The following AGBL4 variants were observed in gnomAD, a reference collection of about 807,000 sequenced individuals.
AGBL4 encodes AGBL carboxypeptidase 4, also known as cytosolic carboxypeptidase 6.
Under a neutral mutation model 66.4 loss-of-function variants are expected in AGBL4, and 58 were observed. The ratio of observed to expected loss-of-function variants is 0.87; its 90% CI spans 0.71 to 1.09. The LOEUF (loss-of-function observed/expected upper bound fraction) is 1.09. AGBL4 is among the 50% of genes least tolerant of loss of function. The probability of loss-of-function intolerance (pLI) is 0.00; values close to 1 mark genes in which losing one functional copy is unlikely to be tolerated. For missense variants in AGBL4, 579 were observed against 631.0 expected (o/e 0.92, Z 0.88); for synonymous variants, 234 against 222.9 (o/e 1.05, Z -0.44).
chr1:49,257,120 A>T (rs981475578), intron 3 of AGBL4, among the ~76,000 whole-genome samples: 3 of 152,144 alleles, frequency 2.0e-5, no homozygotes, highest in Non-Finnish European at 4.4e-5. Context: ...AAAAAAAAAT[A>T]CTATGCAAAA....
At chr1:49,237,512 TTATATATA>T (rs71056690) in intron 4 of AGBL4, among the ~76,000 whole-genome samples, 33 of 2,236 alleles carry the variant, frequency 0.015, no homozygotes, top group Non-Finnish European at 0.016. Context: ...CAATATTACA[TTATATATA>T]TATATATATA....
chr1:48,907,894 G>T (rs992429447), intron 5 of AGBL4, among the ~76,000 whole-genome samples: 1 of 152,106 alleles, frequency 6.6e-6, no homozygotes, highest in African/African-American at 2.4e-5. Flanking sequence ...GTATGAGTTT[G>T]CCAGGCCAAG....
At chr1:49,843,979 G>A (rs1441013559) in intron 2 of AGBL4, among the ~76,000 whole-genome samples, 1 of 152,124 alleles carries the variant, frequency 6.6e-6, no homozygotes, top group Admixed American at 6.5e-5. Context: ...GTATATTGAG[G>A]TCTTGCTATG....
chr1:48,938,806 T>C (rs1245512712), intron 5 of AGBL4, among the ~76,000 whole-genome samples: 1 of 152,208 alleles, frequency 6.6e-6, no homozygotes, highest in Non-Finnish European at 1.5e-5. Flanking sequence ...CCAAAGCAGA[T>C]CTAATGCCTC....
At chr1:49,919,470 AAT>A in intron 1 of AGBL4, among the ~76,000 whole-genome samples, 1 of 152,200 alleles carries the variant, frequency 6.6e-6, no homozygotes, top group Non-Finnish European at 1.5e-5. Context: ...CCAAATCATG[AAT>A]GAACTCCCAT....
At chr1:49,703,601 AC>A (rs1647141957) in intron 2 of AGBL4, among the ~76,000 whole-genome samples, 1 of 152,016 alleles carries the variant, frequency 6.6e-6, no homozygotes, top group Non-Finnish European at 1.5e-5. Context: ...TGAAATGAAA[AC>A]AAAAATGTAG....
intron 5 of AGBL4, among the ~76,000 whole-genome samples, chr1:49,031,801 G>A (rs1040820057): frequency 3.3e-5 from 5 of 152,094 alleles, no homozygotes; most frequent in African/African-American, 1.2e-4. Context: ...GCATAGAGCA[G>A]TATATAAGAC....
chr1:49,087,713 A>T (rs1288576429), intron 4 of AGBL4, among the ~76,000 whole-genome samples: 2 of 152,354 alleles, frequency 1.3e-5, no homozygotes, highest in East Asian at 3.9e-4. Context: ...GCAGGCCAAC[A>T]TTCAAATCCA....
At chr1:49,294,843 T>G (rs1389052899) in intron 3 of AGBL4, among the ~76,000 whole-genome samples, 1 of 152,204 alleles carries the variant, frequency 6.6e-6, no homozygotes, top group Non-Finnish European at 1.5e-5. Context: ...TTTCTCCCTC[T>G]GCAACCTGTG....
chr1:48,706,637 A>G (rs1418555420), intron 6 of AGBL4, among the ~76,000 whole-genome samples: 2 of 152,218 alleles, frequency 1.3e-5, no homozygotes, highest in Admixed American at 1.3e-4. Context: ...AGTAGGAAAG[A>G]AGTAGTAAAA....
At chr1:49,653,873 G>A (rs1001979070) in intron 3 of AGBL4, among the ~76,000 whole-genome samples, 2 of 151,730 alleles carry the variant, frequency 1.3e-5, no homozygotes, top group Non-Finnish European at 2.9e-5. Flanking sequence ...GAGACCGGGA[G>A]AATGGAACCA....
intron 4 of AGBL4, among the ~76,000 whole-genome samples, chr1:49,215,070 T>C (rs139580252): frequency 4.5e-4 from 68 of 152,270 alleles, no homozygotes; most frequent in South Asian, 1.2e-3. Flanking sequence ...TCTCTCATCT[T>C]CTACTTATAT....
At chr1:48,791,941 A>G (rs938600965) in intron 6 of AGBL4, among the ~76,000 whole-genome samples, 16 of 152,102 alleles carry the variant, frequency 1.1e-4, no homozygotes, top group African/African-American at 3.9e-4. Context: ...AATGGTCCTT[A>G]CCCTGCAGGA....
At chr1:49,684,703 GT>G (rs1316339906) in intron 3 of AGBL4, among the ~76,000 whole-genome samples, 1 of 152,050 alleles carries the variant, frequency 6.6e-6, no homozygotes, top group East Asian at 1.9e-4. Context: ...TGATTTAATT[GT>G]TTTTACCACT....
At chr1:48,933,838 T>C (rs1655234527) in intron 5 of AGBL4, among the ~76,000 whole-genome samples, 1 of 152,186 alleles carries the variant, frequency 6.6e-6, no homozygotes, top group African/African-American at 2.4e-5. Flanking sequence ...AAGGGAGCAA[T>C]TGGTTCTGTT....
At chr1:49,184,428 C>T (rs1316867737) in intron 4 of AGBL4, among the ~76,000 whole-genome samples, 1 of 152,146 alleles carries the variant, frequency 6.6e-6, no homozygotes, top group Non-Finnish European at 1.5e-5. Flanking sequence ...TGATTCTGCC[C>T]TCAGCACACT....
At chr1:49,010,459 G>A (rs1294143925) in intron 5 of AGBL4, among the ~76,000 whole-genome samples, 1 of 138,442 alleles carries the variant, frequency 7.2e-6, no homozygotes, top group Non-Finnish European at 1.5e-5. Context: ...ACTGCCCAAG[G>A]TAATTTACAG....
chr1:48,665,229 G>C (rs562654755), intron 6 of AGBL4, among the ~76,000 whole-genome samples: 16 of 152,264 alleles, frequency 1.1e-4, no homozygotes, highest in Middle Eastern at 6.8e-3. Flanking sequence ...GGAACAAAGG[G>C]AGAGACAGAA....
intron 2 of AGBL4, chr1:49,841,897 G>A: frequency 9.5e-6 from 6 of 631,188 alleles, no homozygotes; most frequent in Middle Eastern, 2.7e-4. Context: ...CATGACCCCT[G>A]GGCTGCCTGT....
Sources: gnomAD v4.1 joint callset for allele counts (sites outside exome capture counted in the v4.1 genomes callset) on GRCh38, gnomAD v4.1.1 for gene constraint, MANE v1.5 for transcripts, NCBI Gene and HGNC (gene_info 2026-07-23, HGNC 2026-07-21) for gene names.